The following ANKS1B variants were observed in gnomAD, a reference collection of about 807,000 sequenced individuals.
ANKS1B encodes the protein ankyrin repeat and sterile alpha motif domain-containing protein 1B.
ANKS1B carries 36 observed loss-of-function variants against 148.3 expected under a neutral mutation model. The ratio of observed to expected loss-of-function variants is 0.24; its 90% CI spans 0.19 to 0.32. The LOEUF is 0.32. ANKS1B is among the 10% of genes least tolerant of loss of function. The pLI, the probability that ANKS1B is intolerant of heterozygous loss-of-function variation, is 1.00. For synonymous variants in ANKS1B, 542 were observed against 560.8 expected, an observed-to-expected ratio of 0.97 and a Z score of 0.47; for missense variants, 1,157 against 1,542.6, an observed-to-expected ratio of 0.75 and a Z score of 4.19.
intron 8 of ANKS1B, among the ~76,000 whole-genome samples, chr12:99,702,228 C>T (rs1273430139): frequency 6.6e-6 from 1 of 152,068 alleles, no homozygotes; most frequent in Non-Finnish European, 1.5e-5. Flanking sequence ...TTAATAAAAG[C>T]CATTTTAACT....
rs78701774 is a variant in ANKS1B at position 99,779,754 on chromosome 12, A to C, written c.847+117T>G. On this transcript the variant is annotated intron_variant, in intron 6 of 26. Coordinates refer to ENST00000683438, the MANE Select transcript of ANKS1B (RefSeq NM_001352186.2). ...GTTTAAAAGTCTACCAGAAAAAAAT[A>C]AAACTAGTAAGTTTGTTCAAAAGTA... is the stretch of plus-strand genomic sequence containing the variant. 5,400 of 727,992 alleles carry C rather than the reference A, an allele frequency of 7.4e-3. 222 individuals carry two copies. The African/African-American group carries it at 0.089, about 12-fold the overall frequency. The allele number at this position is 727,992 out of a possible 1,614,324, so 45.1% of individuals were successfully genotyped here. A position where few individuals can be genotyped will look rare whatever the true frequency, so the allele number is the denominator to read the frequency against.
chr12:99,283,071 A>G (rs191803529), intron 12 of ANKS1B, among the ~76,000 whole-genome samples: 83 of 152,314 alleles, frequency 5.4e-4, no homozygotes, highest in Middle Eastern at 6.8e-3. Context: ...GGATGTCAGA[A>G]GAGATGTTTA....
intron 12 of ANKS1B, among the ~76,000 whole-genome samples, chr12:99,331,736 T>C (rs2087600136): frequency 6.6e-6 from 1 of 151,988 alleles, no homozygotes; most frequent in Non-Finnish European, 1.5e-5. Context: ...TTCTGAAAAC[T>C]GGAAAGATGG....
Position 99,864,856 on chromosome 12 carries a change from T to TA in ANKS1B, c.135-39468dup, listed in dbSNP as rs1279518467. On this transcript the variant is annotated intron_variant, in intron 1 of 26. Coordinates refer to ENST00000683438, the MANE Select transcript of ANKS1B (RefSeq NM_001352186.2). Reference sequence around the variant, plus strand: ...CCCAAGCAGAATGCACTGATGACAATAATGAGTTAGCTGTCACCTGCAAAG... The same window carrying TA: ...CCCAAGCAGAATGCACTGATGACAATAAATGAGTTAGCTGTCACCTGCAAAG... Among the ~76,000 whole-genome samples the TA allele has an allele frequency of 7.9e-5, 12 of 152,306 alleles. No homozygotes were observed. The South Asian group carries it at 8.3e-4, about 11-fold the overall frequency.
At position 99,276,272 on chromosome 12, in the gene ANKS1B, C is replaced by T. The variant is rs184824993; in HGVS notation, c.1757-29408G>A. On this transcript the variant is annotated intron_variant, in intron 12 of 26. Coordinates refer to ENST00000683438, the MANE Select transcript of ANKS1B (RefSeq NM_001352186.2). ...TGGGCATTAAATTATGTCCCCATCT[C>T]CTCCCGAAATTCAAATGCTGAAGCT... Among the ~76,000 whole-genome samples the T allele has an allele frequency of 2.6e-5, 4 of 152,252 alleles. No individual in the cohort carries two copies. In the East Asian group the frequency reaches 7.7e-4, roughly 29 times the overall value.
intron 17 of ANKS1B, among the ~76,000 whole-genome samples, chr12:99,006,118 A>C (rs2099936016): frequency 6.6e-6 from 1 of 152,194 alleles, no homozygotes. Context: ...TCCAGCTAAG[A>C]AACACTTTCA....
At chr12:99,053,387 AATTT>A in intron 16 of ANKS1B, 78 bp from the exon 17 acceptor site, 2 of 1,158,510 alleles carry the variant, frequency 1.7e-6, no homozygotes, top group Non-Finnish European at 2.3e-6. Context: ...TCCCCTTGAA[AATTT>A]ATTTGACATG....
chr12:99,839,224 A>G (rs1009202068), intron 1 of ANKS1B, among the ~76,000 whole-genome samples: 2 of 152,176 alleles, frequency 1.3e-5, no homozygotes, highest in East Asian at 3.9e-4. Flanking sequence ...ATAAAAAATA[A>G]TAAGTATAGT....
At chr12:98,799,799 C>A (rs1164774004) in intron 21 of ANKS1B, among the ~76,000 whole-genome samples, 1 of 152,142 alleles carries the variant, frequency 6.6e-6, no homozygotes, top group Non-Finnish European at 1.5e-5. Flanking sequence ...CCCCTTCAAC[C>A]TTTTGAAGCT....
intron 1 of ANKS1B, among the ~76,000 whole-genome samples, chr12:99,906,832 T>A (rs2093800923): frequency 6.6e-6 from 1 of 152,102 alleles, no homozygotes; most frequent in Admixed American, 6.6e-5. Flanking sequence ...GCCGGGAGTA[T>A]GGGAATATAA....
intron 12 of ANKS1B, among the ~76,000 whole-genome samples, chr12:99,330,617 G>A (rs1279077887): frequency 2.0e-5 from 3 of 152,032 alleles, no homozygotes; most frequent in Non-Finnish European, 4.4e-5. Context: ...GGCTGCAGGT[G>A]TTTTACAAAT....
Position 98,737,795 on chromosome 12 carries a change from A to G in ANKS1B, c.691-2161T>C, listed in dbSNP as rs187074311. Among the ~76,000 whole-genome samples the G allele has an allele frequency of 5.3e-5, 8 of 152,356 alleles. No individual in the cohort carries two copies. In the East Asian group the frequency reaches 1.5e-3, roughly 29 times the overall value. ...CTTGGACAAAAGAGGTTTGCTACCA[A>G]ATTATATAAAATGAATAAACATATC... On this transcript the variant is annotated intron_variant, in intron 9 of 9. Coordinates refer to the ANKS1B transcript ENST00000341752.
intron 3 of ANKS1B, among the ~76,000 whole-genome samples, chr12:99,811,811 T>C (rs2068409920): frequency 6.6e-6 from 1 of 151,902 alleles, no homozygotes; most frequent in Non-Finnish European, 1.5e-5. Flanking sequence ...GCATTCAAAA[T>C]TGTATTAAGA....
chr12:99,787,821 G>T (rs12368127), intron 4 of ANKS1B, among the ~76,000 whole-genome samples: 9 of 152,152 alleles, frequency 5.9e-5, no homozygotes, highest in Non-Finnish European at 1.0e-4. Flanking sequence ...TTTTAGGAAG[G>T]GAGAAAGCAG....
intron 14 of ANKS1B, among the ~76,000 whole-genome samples, chr12:99,172,502 T>G (rs2077887425): frequency 6.6e-6 from 1 of 152,186 alleles, no homozygotes; most frequent in African/African-American, 2.4e-5. Context: ...CCTCCAAATA[T>G]TCTTAGTTTC....
At chr12:99,937,901 A>G (rs1033451680) in intron 1 of ANKS1B, among the ~76,000 whole-genome samples, 7 of 152,144 alleles carry the variant, frequency 4.6e-5, no homozygotes, top group African/African-American at 1.4e-4. Flanking sequence ...CCCTCAAGTT[A>G]TATATAATAA....
At chr12:99,366,032 G>T (rs1254534689) in intron 12 of ANKS1B, among the ~76,000 whole-genome samples, 1 of 152,164 alleles carries the variant, frequency 6.6e-6, no homozygotes, top group Non-Finnish European at 1.5e-5. Flanking sequence ...GGATCTATTT[G>T]CCCTAAGAGC....
intron 1 of ANKS1B, among the ~76,000 whole-genome samples, chr12:99,917,700 GC>G (rs1010426752): frequency 6.6e-6 from 1 of 152,114 alleles, no homozygotes; most frequent in Non-Finnish European, 1.5e-5. Context: ...ACCTTTTATG[GC>G]CATTCTAGCA....
At chr12:99,109,148 A>AG (rs1217453795) in intron 15 of ANKS1B, among the ~76,000 whole-genome samples, 1 of 151,710 alleles carries the variant, frequency 6.6e-6, no homozygotes, top group Non-Finnish European at 1.5e-5. Context: ...GAATGTTCCC[A>AG]GGCTCTGGAC....
Sources: gnomAD v4.1 joint callset for allele counts (sites outside exome capture counted in the v4.1 genomes callset) on GRCh38, gnomAD v4.1.1 for gene constraint, MANE v1.5 for transcripts, NCBI Gene and HGNC (gene_info 2026-07-23, HGNC 2026-07-21) for gene names.